C8orf34: variants seen among roughly 807,000 people sequenced by gnomAD.
C8orf34 encodes chromosome 8 open reading frame 34, also known as uncharacterized protein C8orf34.
A neutral mutation model predicts 68.3 loss-of-function variants in C8orf34; 65 were observed. The observed-to-expected ratio is 0.95, with a 90% CI of 0.78 to 1.17. The LOEUF (loss-of-function observed/expected upper bound fraction) is 1.17. C8orf34 is among the 50% of genes most tolerant of loss of function. The pLI is 0.00. For synonymous variants in C8orf34, 244 were observed against 241.2 expected (o/e 1.01, Z -0.11); for missense variants, 664 against 655.4 (o/e 1.01, Z -0.14).
At chr8:68,719,208 A>C (rs1228737251) in intron 9 of C8orf34, among the ~76,000 whole-genome samples, 2 of 152,120 alleles carry the variant, frequency 1.3e-5, no homozygotes, top group Non-Finnish European at 2.9e-5. Flanking sequence ...CCCTATTATT[A>C]GATTTGGGCT....
At chr8:68,740,404 G>C (rs1822247131) in intron 10 of C8orf34, among the ~76,000 whole-genome samples, 1 of 151,168 alleles carries the variant, frequency 6.6e-6, no homozygotes, top group Non-Finnish European at 1.5e-5. Flanking sequence ...AAATTTACAA[G>C]AAAAAAAACC....
At position 68,818,315 on chromosome 8, in the gene C8orf34, A is replaced by G; in HGVS notation, c.*69A>G. The stretch of plus-strand genomic sequence containing the variant: ...TATTCAAATCCTTATGTATAGTTCT[A>G]ATTTTATTTACTATGTGTAATCATT... On this transcript the variant is annotated 3_prime_UTR_variant, in exon 14 of 14. Transcript: ENST00000518698. 6.8e-7 allele frequency: 1 copy of G among 1,470,134 alleles called. No individual in the cohort carries two copies. Among genetic ancestry groups the G allele is most frequent in the Non-Finnish European group, 9.5e-7 (1 of 1,055,442 alleles). 91.1% of individuals were successfully genotyped at this position (1,470,134 alleles called of 1,614,324 possible).
chr8:68,691,616 A>G (rs1820687426), intron 8 of C8orf34, among the ~76,000 whole-genome samples: 1 of 152,108 alleles, frequency 6.6e-6, no homozygotes, highest in African/African-American at 2.4e-5. Context: ...ATTTTCAAAA[A>G]TACATTGATT....
At chr8:68,560,778 C>T (rs995813375) in intron 7 of C8orf34, among the ~76,000 whole-genome samples, 2 of 152,068 alleles carry the variant, frequency 1.3e-5, no homozygotes, top group Admixed American at 6.6e-5. Flanking sequence ...GCTTGCAGGA[C>T]TGAAAGTTGC....
chr8:68,624,430 A>G (rs571149759), intron 7 of C8orf34, among the ~76,000 whole-genome samples: 18 of 152,326 alleles, frequency 1.2e-4, no homozygotes, highest in African/African-American at 4.3e-4. Flanking sequence ...TGCATGTATA[A>G]CACTTCAGCG....
intron 8 of C8orf34, among the ~76,000 whole-genome samples, chr8:68,693,898 A>C (rs1465542700): frequency 6.6e-6 from 1 of 152,072 alleles, no homozygotes; most frequent in Non-Finnish European, 1.5e-5. Flanking sequence ...TTTTAATAAT[A>C]AATTAAGAAT....
intron 8 of C8orf34, among the ~76,000 whole-genome samples, chr8:68,676,027 A>G (rs149500423): frequency 4.2e-4 from 64 of 152,300 alleles, no homozygotes; most frequent in Admixed American, 2.2e-3. Context: ...GCAAGAGGAT[A>G]TAACAATTGT....
At chr8:68,688,579 C>T (rs558093694) in intron 8 of C8orf34, among the ~76,000 whole-genome samples, 24 of 152,184 alleles carry the variant, frequency 1.6e-4, no homozygotes, top group African/African-American at 5.3e-4. Flanking sequence ...GACATGGAAC[C>T]AACCCAAATG....
At chr8:68,773,339 G>T (rs115269866) in intron 10 of C8orf34, among the ~76,000 whole-genome samples, 2 of 152,088 alleles carry the variant, frequency 1.3e-5, no homozygotes, top group African/African-American at 4.8e-5. Flanking sequence ...TACCACACTT[G>T]CATTCTTCAA....
intron 5 of C8orf34, among the ~76,000 whole-genome samples, chr8:68,509,254 G>T (rs6986697): frequency 0.23 from 34,508 of 152,070 alleles, 6,055 homozygotes; most frequent in African/African-American, 0.49. Flanking sequence ...AAAGGCTCTG[G>T]CTGCATGACT....
intron 5 of C8orf34, among the ~76,000 whole-genome samples, chr8:68,516,125 TA>T (rs145958505): frequency 6.6e-6 from 1 of 152,156 alleles, no homozygotes. Flanking sequence ...ATATTTCATT[TA>T]AAAAAATGAC....
chr8:68,774,077 C>T (rs1416640358), intron 10 of C8orf34, among the ~76,000 whole-genome samples: 1 of 152,062 alleles, frequency 6.6e-6, no homozygotes, highest in Non-Finnish European at 1.5e-5. Flanking sequence ...ACCAGGCAAG[C>T]CTCCCATGCT....
chr8:68,559,933 A>G (rs1479490833), intron 7 of C8orf34, among the ~76,000 whole-genome samples: 1 of 152,184 alleles, frequency 6.6e-6, no homozygotes, highest in Non-Finnish European at 1.5e-5. Context: ...AAGTAGGTAC[A>G]GAGAGGAACA....
At chr8:68,512,947 A>C (rs913935384) in intron 5 of C8orf34, among the ~76,000 whole-genome samples, 2 of 152,194 alleles carry the variant, frequency 1.3e-5, no homozygotes, top group Non-Finnish European at 2.9e-5. Context: ...TGCTAAGTGC[A>C]GCCAAGGTTT....
At chr8:68,384,722 G>C (rs1347989247) in intron 1 of C8orf34, among the ~76,000 whole-genome samples, 1 of 152,148 alleles carries the variant, frequency 6.6e-6, no homozygotes, top group African/African-American at 2.4e-5. Flanking sequence ...CAGTTGGTAC[G>C]TGCAGGCTTA....
intron 7 of C8orf34, among the ~76,000 whole-genome samples, chr8:68,537,463 T>C (rs551895211): frequency 4.1e-5 from 6 of 145,732 alleles, no homozygotes; most frequent in Non-Finnish European, 9.0e-5. Flanking sequence ...CTTTTTATTT[T>C]CTTTTTTTTT....
intron 9 of C8orf34, among the ~76,000 whole-genome samples, chr8:68,717,587 G>A (rs909043371): frequency 6.6e-6 from 1 of 152,068 alleles, no homozygotes. Flanking sequence ...ACGGATATAT[G>A]AAGGTTATTG....
At chr8:68,712,168 C>T (rs1455459152) in intron 9 of C8orf34, among the ~76,000 whole-genome samples, 1 of 152,128 alleles carries the variant, frequency 6.6e-6, no homozygotes, top group Non-Finnish European at 1.5e-5. Context: ...GTCAGCACTA[C>T]AAGAATTTCT....
intron 1 of C8orf34, among the ~76,000 whole-genome samples, chr8:68,422,730 T>C (rs1382792625): frequency 6.6e-6 from 1 of 152,226 alleles, no homozygotes; most frequent in East Asian, 1.9e-4. Context: ...CCTTCCACAC[T>C]GCCCTAGCAG....
Sources: allele counts gnomAD v4.1 joint callset (sites outside exome capture counted in the v4.1 genomes callset), GRCh38; gene constraint gnomAD v4.1.1; transcripts MANE v1.5; gene names NCBI Gene and HGNC (gene_info 2026-07-23, HGNC 2026-07-21).